The following CCSER1 variants were observed in gnomAD, a reference collection of about 807,000 sequenced individuals.
CCSER1 encodes the protein coiled-coil serine rich protein 1, also known as serine-rich coiled-coil domain-containing protein 1.
CCSER1 carries 41 observed loss-of-function variants against 82.0 expected under a neutral mutation model. The observed-to-expected ratio is 0.50, with a 90% CI of 0.39 to 0.65. The LOEUF (loss-of-function observed/expected upper bound fraction) is 0.65. Among genes scored for constraint, CCSER1 ranks in the 30% least tolerant of loss-of-function variants. CCSER1 has a pLI of 0.00. For missense variants in CCSER1, 1,119 were observed against 1,064.2 expected (o/e 1.05, Z -0.72); for synonymous variants, 414 against 383.9 (o/e 1.08, Z -0.92).
intron 8 of CCSER1, among the ~76,000 whole-genome samples, chr4:90,864,870 A>T (rs1171409663): frequency 6.6e-6 from 1 of 152,014 alleles, no homozygotes; most frequent in African/African-American, 2.4e-5. Flanking sequence ...AAATATCACC[A>T]ATATCTTTTC....
chr4:90,257,904 A>T (rs1723643251), intron 1 of CCSER1, among the ~76,000 whole-genome samples: 1 of 152,212 alleles, frequency 6.6e-6, no homozygotes, highest in East Asian at 1.9e-4. Context: ...AGGCAATCCG[A>T]TTGATTCAGG....
chr4:90,412,480 G>A (rs999773184), intron 4 of CCSER1, among the ~76,000 whole-genome samples: 1 of 146,076 alleles, frequency 6.8e-6, no homozygotes, highest in African/African-American at 2.5e-5. Context: ...ATAAAAAAAA[G>A]AATTTTGAAT....
rs144320675 is a variant in CCSER1 at position 90,442,660 on chromosome 4, G to T, written c.1604-25574G>T. Among the ~76,000 whole-genome samples the T allele has an allele frequency of 1.4e-3, 213 of 152,284 alleles. 1 individual carries two copies. The highest frequency in any genetic ancestry group is 9.3e-3 in the Admixed American group (142 of 15,298). ...AGCAAGAATTGAGGCAAGTTTTGAC[G>T]ATGTGCTGATAAGTGAGCCCTTGGT... On this transcript the variant is annotated intron_variant, in intron 4 of 10. Transcript: ENST00000509176.
At position 90,377,619 on chromosome 4, in the gene CCSER1, A is replaced by G. The variant is rs188022880; in HGVS notation, c.1510-22417A>G. ...AGTATCTAAGAGATTCAATTAAACA[A>G]AATAACCAGAGAATACATGCCTTAT... is the stretch of plus-strand genomic sequence containing the variant. On this transcript the variant is annotated intron_variant, in intron 3 of 10. Coordinates refer to ENST00000509176, the MANE Select transcript of CCSER1 (RefSeq NM_001145065.2). 2.0e-4 allele frequency among the ~76,000 whole-genome samples: 31 copies of G among 152,282 alleles called. No homozygotes were observed. The East Asian group carries it at 4.6e-3, about 23-fold the overall frequency.
chr4:91,127,959 T>TG (rs5860220), intron 10 of CCSER1, among the ~76,000 whole-genome samples: 79,022 of 151,764 alleles, frequency 0.52, 20,870 homozygotes, highest in East Asian at 0.68. Flanking sequence ...CACTCCCAGA[T>TG]CTCAGTCCTT....
chr4:90,688,448 A>C (rs183704479), intron 6 of CCSER1, among the ~76,000 whole-genome samples: 2 of 152,162 alleles, frequency 1.3e-5, no homozygotes, highest in East Asian at 3.9e-4. Flanking sequence ...CTTTTAAATA[A>C]TTTTTCTACC....
At chr4:90,797,818 A>G (rs753340010) in intron 7 of CCSER1, among the ~76,000 whole-genome samples, 4 of 152,192 alleles carry the variant, frequency 2.6e-5, no homozygotes, top group Non-Finnish European at 5.9e-5. Flanking sequence ...CTTTTGGCTC[A>G]TAGGGTTTCT....
intron 5 of CCSER1, among the ~76,000 whole-genome samples, chr4:90,589,571 A>C (rs1782443273): frequency 6.6e-6 from 1 of 152,162 alleles, no homozygotes; most frequent in East Asian, 1.9e-4. Context: ...ATTATGATGA[A>C]GACTTACATA....
At chr4:91,187,525 T>C in intron 10 of CCSER1, among the ~76,000 whole-genome samples, 1 of 150,396 alleles carries the variant, frequency 6.6e-6, no homozygotes, top group East Asian at 2.0e-4. Flanking sequence ...AAATTATGAA[T>C]GTAGAAATCA....
chr4:91,175,444 G>A (rs1733232557), intron 10 of CCSER1, among the ~76,000 whole-genome samples: 1 of 152,174 alleles, frequency 6.6e-6, no homozygotes, highest in Non-Finnish European at 1.5e-5. Flanking sequence ...CACCAACAGT[G>A]CAAAAGTGTT....
intron 7 of CCSER1, among the ~76,000 whole-genome samples, chr4:90,728,209 A>G (rs1482557771): frequency 1.3e-5 from 2 of 152,166 alleles, no homozygotes; most frequent in African/African-American, 4.8e-5. Flanking sequence ...AGGAACTGAC[A>G]GTGTGGCATT....
intron 5 of CCSER1, among the ~76,000 whole-genome samples, chr4:90,601,494 A>C (rs939376442): frequency 6.6e-6 from 1 of 152,116 alleles, no homozygotes; most frequent in Non-Finnish European, 1.5e-5. Context: ...ATCCTCTCTG[A>C]GAGGCAACCA....
intron 9 of CCSER1, among the ~76,000 whole-genome samples, chr4:91,011,540 A>C (rs1739005004): frequency 7.5e-6 from 1 of 133,916 alleles, no homozygotes; most frequent in Non-Finnish European, 1.7e-5. Context: ...TAGATTCTTC[A>C]CAGAGCCAAA....
At chr4:91,305,154 C>T (rs1744955164) in intron 10 of CCSER1, among the ~76,000 whole-genome samples, 2 of 151,974 alleles carry the variant, frequency 1.3e-5, no homozygotes, top group Admixed American at 1.3e-4. Context: ...GATCAAATTA[C>T]TTCTTTTCAA....
rs566999273 is a variant in CCSER1, at chr4:90,226,993, C to G, written c.-41-81251C>G. On this transcript the variant is annotated intron_variant, in intron 1 of 10. Transcript: ENST00000509176. Reference sequence around the variant, plus strand: ...GACAGTGTGGAATTTTTATTGCATTCCCTGCATTGTTCTCCATGTCCAATT... The same window carrying G: ...GACAGTGTGGAATTTTTATTGCATTGCCTGCATTGTTCTCCATGTCCAATT... Among the ~76,000 whole-genome samples the G allele has an allele frequency of 4.1e-4, 62 of 152,344 alleles. 1 individual carries two copies. Among genetic ancestry groups the G allele is most frequent in the South Asian group, 1.0e-3 (5 of 4,830 alleles).
chr4:91,336,419 CA>C (rs1355284447), intron 10 of CCSER1, among the ~76,000 whole-genome samples: 1 of 152,082 alleles, frequency 6.6e-6, no homozygotes, highest in Non-Finnish European at 1.5e-5. Flanking sequence ...TATTAATTCA[CA>C]AGAAGGTATA....
At chr4:91,071,904 G>A (rs1275954423) in intron 9 of CCSER1, among the ~76,000 whole-genome samples, 1 of 152,102 alleles carries the variant, frequency 6.6e-6, no homozygotes, top group African/African-American at 2.4e-5. Flanking sequence ...TTTTCTGAAA[G>A]GGTGTCTTTG....
intron 10 of CCSER1, among the ~76,000 whole-genome samples, chr4:91,517,723 G>A (rs1024224374): frequency 8.7e-5 from 13 of 150,108 alleles, no homozygotes; most frequent in Non-Finnish European, 8.9e-5. Flanking sequence ...GAGTTCTTAC[G>A]CTGGTTCTTT....
At chr4:90,869,884 G>T (rs1463215857) in intron 8 of CCSER1, among the ~76,000 whole-genome samples, 2 of 151,612 alleles carry the variant, frequency 1.3e-5, no homozygotes, top group Non-Finnish European at 3.0e-5. Context: ...TTTCTTTCAA[G>T]AATGTTTCAT....
Sources: gnomAD v4.1 joint callset for allele counts (sites outside exome capture counted in the v4.1 genomes callset) on GRCh38, gnomAD v4.1.1 for gene constraint, MANE v1.5 for transcripts, NCBI Gene and HGNC (gene_info 2026-07-23, HGNC 2026-07-21) for gene names.